The following RNF20 variants were observed in gnomAD, a reference collection of about 807,000 sequenced individuals.
RNF20 encodes the protein E3 ubiquitin-protein ligase BRE1A.
In RNF20, 84 loss-of-function variants were observed where a neutral mutation model predicts 126.2. The observed-to-expected ratio is 0.67, with a 90% CI of 0.56 to 0.80. The LOEUF (loss-of-function observed/expected upper bound fraction) is 0.80. RNF20 is among the 30% of genes least tolerant of loss of function. RNF20 has a pLI of 0.00. For synonymous variants in RNF20, 400 were observed against 414.3 expected (o/e 0.97, Z 0.42); for missense variants, 869 against 1,188.2 (o/e 0.73, Z 3.95).
At chr9:101,544,528 A>C (rs1451854558) in intron 5 of RNF20, among the ~76,000 whole-genome samples, 1 of 152,186 alleles carries the variant, frequency 6.6e-6, no homozygotes, top group Non-Finnish European at 1.5e-5. Context: ...CGACATGGTG[A>C]AACCCCATCT....
Position 101,547,451 on chromosome 9 carries a change from G to T in RNF20, c.1025G>T (p.Arg342Leu). ...GAGAACAAAGAGTTGGCTCAGAACC[G>T]TCTCTGTGAGCTGGAGAAACTTCGG... ...LEENKELAQN[R>L]LCELEKLRQD... Residue 342 changes from arginine to leucine, a missense_variant, in exon 9 of 20, where the codon CGT (arginine) becomes CTT (leucine). Arg to Leu is a moderately radical substitution (Grantham distance 102). Around this residue, in one of 8 missense-constraint regions of RNF20, gnomAD observed 153 missense variants for 226.4 expected, o/e 0.68. Transcript: ENST00000389120. The T allele has an allele frequency of 1.2e-6, 2 of 1,614,148 alleles. No individual in the cohort carries two copies. Among genetic ancestry groups the T allele is most frequent in the Non-Finnish European group, 1.7e-6 (2 of 1,179,988 alleles).
intron 13 of RNF20, among the ~76,000 whole-genome samples, chr9:101,553,262 T>G (rs1225218245): frequency 6.6e-6 from 1 of 152,212 alleles, no homozygotes; most frequent in Non-Finnish European, 1.5e-5. Flanking sequence ...ACTTGTTGAA[T>G]TTTTCTGTGT....
intron 2 of RNF20, among the ~76,000 whole-genome samples, chr9:101,539,477 G>C (rs1827227885): frequency 6.6e-6 from 1 of 152,168 alleles, no homozygotes; most frequent in Admixed American, 6.5e-5. Flanking sequence ...ATGGAAGGTA[G>C]CAGAGATAGA....
chr9:101,555,522 C>T (rs1467760477), intron 15 of RNF20, among the ~76,000 whole-genome samples: 3 of 151,976 alleles, frequency 2.0e-5, no homozygotes, highest in Non-Finnish European at 4.4e-5. Context: ...TATGTATTCT[C>T]TGTTAGTACA....
In RNF20 at chr9:101,547,486, G is replaced by T; in HGVS notation, c.1060G>T (p.Glu354Ter). The T allele has an allele frequency of 1.2e-6, 2 of 1,614,164 alleles. No homozygotes were observed. The highest frequency in any genetic ancestry group is 1.7e-6 in the Non-Finnish European group (2 of 1,179,996). Residue 354 changes from glutamate to a stop codon, truncating the protein, a stop_gained, in exon 9 of 20, where the codon GAG becomes TAG. Coordinates refer to ENST00000389120, the MANE Select transcript of RNF20 (RefSeq NM_019592.7). LOFTEE classifies it high-confidence loss of function. ...GCTGGAGAAACTTCGGCAAGACTTT[G>T]AGGAGGTCACTACACAAAATGAAAA... is the stretch of plus-strand genomic sequence containing the variant. Reference protein sequence around the residue: ...CELEKLRQDFEEVTTQNEKLK... With the variant: ...CELEKLRQDF
intron 15 of RNF20, among the ~76,000 whole-genome samples, chr9:101,555,667 T>C (rs1462772287): frequency 6.6e-6 from 1 of 152,004 alleles, no homozygotes; most frequent in Non-Finnish European, 1.5e-5. Flanking sequence ...AAGTGTAATT[T>C]TGGGCTGGGC....
In RNF20 at chr9:101,560,935, G is replaced by T. The variant is rs769186902; in HGVS notation, c.2508+9G>T. On this transcript the variant is annotated intron_variant, in intron 17 of 19. Transcript: ENST00000389120. ...AGATGAATAAACGCAAGGTATGATT[G>T]ATTAATCTAATGATGGTTAGTCTCA... 1.2e-6 allele frequency: 2 copies of T among 1,608,246 alleles called. No individual in the cohort carries two copies. Among genetic ancestry groups the T allele is most frequent in the South Asian group, 2.2e-5 (2 of 89,716 alleles).
chr9:101,548,748 C>T (rs1220247803), intron 9 of RNF20, among the ~76,000 whole-genome samples: 1 of 152,050 alleles, frequency 6.6e-6, no homozygotes, highest in Non-Finnish European at 1.5e-5. Flanking sequence ...GATATGTAGA[C>T]TAAATCAAGG....
intron 16 of RNF20, 83 bp from the exon 17 acceptor site, chr9:101,560,718 T>C: frequency 7.4e-7 from 1 of 1,342,546 alleles, no homozygotes; most frequent in East Asian, 2.5e-5. Context: ...TACTGTATTT[T>C]GTGGGCTTAT....
rs769468033 is a variant in RNF20 at position 101,540,636 on chromosome 9, A to G, written c.444A>G (p.Arg148=). ...AGGAGCGTAAAGATGACCGAGAGAG[A>G]GGCAAGTGTTCGTGATGGATTCTAT... ...SNQERKDDRE[R]GEGQEPAFSF... The change falls in exon 4 of 20, where the codon AGA becomes AGG. Residue 148 remains arginine (R), a splice_region_variant and synonymous_variant. Transcript: ENST00000389120. The G allele has an allele frequency of 4.3e-5, 70 of 1,613,930 alleles. 2 individuals carry two copies. In the South Asian group the frequency reaches 7.6e-4, roughly 17 times the overall value.
In RNF20 at chr9:101,535,551, C is replaced by A. The variant is rs148632747; in HGVS notation, c.128C>A (p.Thr43Lys). ...ATTAAGCTAGGAGGTGTCTCTTCAA[C>A]GGTATGAGGAAACAGTGCCATGAAA... ...ETIKLGGVSS[T>K]EELDIRTLQT... Residue 43 changes from threonine to lysine, a missense_variant and splice_region_variant, in exon 2 of 20, where the codon ACG becomes AAG. Physicochemically the swap from Thr to Lys is moderately conservative, Grantham distance 78. Transcript: ENST00000389120. 6.2e-7 allele frequency: 1 copy of A among 1,607,794 alleles called. No homozygotes were observed. The highest frequency in any genetic ancestry group is 1.7e-5 in the Admixed American group (1 of 58,990).
Position 101,552,159 on chromosome 9 carries a change from T to TG in RNF20, c.1428dup (p.Arg477AlafsTer6). 6.2e-7 allele frequency: 1 copy of TG among 1,614,104 alleles called. No homozygotes were observed. Among genetic ancestry groups the TG allele is most frequent in the East Asian group, 2.2e-5 (1 of 44,878 alleles). On this transcript the variant is annotated frameshift_variant, in exon 12 of 20. Transcript: ENST00000389120. LOFTEE classifies it high-confidence loss of function. ...ATTTAAGGCCCTATAAACAGGGAGA[T>TG]GCGCCACCTCATCAGTAGCCTCCAG...
chr9:101,554,408 T>C (rs1827499063), intron 14 of RNF20, among the ~76,000 whole-genome samples: 1 of 152,186 alleles, frequency 6.6e-6, no homozygotes, highest in Non-Finnish European at 1.5e-5. Flanking sequence ...GAATGTCTTA[T>C]GCTCTTAAAA....
At chr9:101,559,037 T>C (rs947452471) in intron 16 of RNF20, among the ~76,000 whole-genome samples, 3 of 152,194 alleles carry the variant, frequency 2.0e-5, no homozygotes, top group Non-Finnish European at 4.4e-5. Context: ...TTTCAGGTCT[T>C]AGATTTAAGT....
chr9:101,542,114 A>G (rs1378021103), intron 5 of RNF20, among the ~76,000 whole-genome samples: 1 of 152,252 alleles, frequency 6.6e-6, no homozygotes, highest in Non-Finnish European at 1.5e-5. Flanking sequence ...TTGGATGAGC[A>G]TATAAGAATT....
intron 9 of RNF20, among the ~76,000 whole-genome samples, chr9:101,549,058 G>T (rs1323360911): frequency 6.6e-6 from 1 of 152,168 alleles, no homozygotes; most frequent in Non-Finnish European, 1.5e-5. Flanking sequence ...CAGGGTCGGT[G>T]GGTCTCTCCC....
intron 1 of RNF20, among the ~76,000 whole-genome samples, chr9:101,535,057 G>A (rs1827161194): frequency 1.3e-5 from 2 of 151,804 alleles, no homozygotes; most frequent in East Asian, 1.9e-4. Flanking sequence ...ACCGGCGCCC[G>A]CCACCACGCC....
intron 6 of RNF20, among the ~76,000 whole-genome samples, chr9:101,546,611 T>G (rs1020202344): frequency 6.6e-6 from 1 of 152,174 alleles, no homozygotes; most frequent in Non-Finnish European, 1.5e-5. Context: ...AGAGTTCTTA[T>G]AGACTTTAGA....
intron 2 of RNF20, among the ~76,000 whole-genome samples, chr9:101,538,494 G>T (rs973308034): frequency 2.6e-5 from 4 of 152,066 alleles, no homozygotes; most frequent in Admixed American, 6.6e-5. Flanking sequence ...GTGGGGTAAT[G>T]GCCTGGAAGT....
Sources: allele counts gnomAD v4.1 joint callset (sites outside exome capture counted in the v4.1 genomes callset), GRCh38; gene constraint gnomAD v4.1.1; regional missense constraint gnomAD v4.1.1; transcripts MANE v1.5; gene names NCBI Gene and HGNC (gene_info 2026-07-23, HGNC 2026-07-21).